TRAPPC13: variants seen among roughly 807,000 people sequenced by gnomAD.
TRAPPC13 encodes the protein trafficking protein particle complex subunit 13.
Under a neutral mutation model 54.0 loss-of-function variants are expected in TRAPPC13, and 39 were observed. That is an observed-to-expected ratio of 0.72 (90% CI 0.56 to 0.94). TRAPPC13 has a LOEUF of 0.94. TRAPPC13 is among the 40% of genes least tolerant of loss of function. The pLI, the probability that TRAPPC13 is intolerant of heterozygous loss-of-function variation, is 0.00. For missense variants in TRAPPC13, 386 were observed against 488.1 expected (o/e 0.79, Z 1.97); for synonymous variants, 148 against 167.7 (o/e 0.88, Z 0.91).
At chr5:65,645,753 G>A (rs1581221065) in intron 4 of TRAPPC13, among the ~76,000 whole-genome samples, 3 of 152,240 alleles carry the variant, frequency 2.0e-5, no homozygotes, top group Non-Finnish European at 1.5e-5. Context: ...GCAGTGAGCC[G>A]AGATGGTGCC....
chr5:65,634,355 T>A (rs1755669241), intron 1 of TRAPPC13, among the ~76,000 whole-genome samples: 2 of 152,216 alleles, frequency 1.3e-5, no homozygotes, highest in African/African-American at 4.8e-5. Context: ...GGTATGGTCT[T>A]ATATTAATAA....
intron 1 of TRAPPC13, chr5:65,629,620 A>G: frequency 2.6e-6 from 4 of 1,535,746 alleles, no homozygotes; most frequent in Non-Finnish European, 3.5e-6. Flanking sequence ...ATTATCGACC[A>G]TGTGAGAGTG....
intron 8 of TRAPPC13, among the ~76,000 whole-genome samples, chr5:65,656,861 G>A (rs868570018): frequency 6.6e-6 from 1 of 151,466 alleles, no homozygotes; most frequent in Non-Finnish European, 1.5e-5. Context: ...AGCTGAGATC[G>A]CACCACTGCA....
At chr5:65,634,097 T>G (rs543185299) in intron 1 of TRAPPC13, among the ~76,000 whole-genome samples, 37 of 147,114 alleles carry the variant, frequency 2.5e-4, no homozygotes, top group African/African-American at 7.7e-4. Flanking sequence ...GCCATTCTCC[T>G]GCCTCAGCCT....
intron 4 of TRAPPC13, among the ~76,000 whole-genome samples, chr5:65,642,887 T>C (rs1264470941): frequency 1.3e-5 from 2 of 151,990 alleles, no homozygotes; most frequent in Non-Finnish European, 2.9e-5. Flanking sequence ...TGAGACCAAA[T>C]TAAAAAATAA....
intron 8 of TRAPPC13, 42 bp from the exon 9 acceptor site, chr5:65,658,326 A>C: frequency 6.5e-7 from 1 of 1,537,002 alleles, no homozygotes. Flanking sequence ...AAATATTTTA[A>C]ATGCCACCAC....
chr5:65,634,057 C>T (rs1335511875), intron 1 of TRAPPC13, among the ~76,000 whole-genome samples: 1 of 141,216 alleles, frequency 7.1e-6, no homozygotes, highest in East Asian at 2.2e-4. Context: ...GCAATCTCGG[C>T]TCACTGCAAC....
intron 4 of TRAPPC13, among the ~76,000 whole-genome samples, chr5:65,640,903 C>T (rs965337599): frequency 3.3e-5 from 5 of 151,040 alleles, no homozygotes; most frequent in Non-Finnish European, 7.4e-5. Context: ...GACATTCAGA[C>T]TCATGATATA....
chr5:65,664,533 A>G lies in TRAPPC13; in HGVS notation c.1176A>G (p.Thr392=). 6.2e-7 allele frequency: 1 copy of G among 1,611,804 alleles called. No homozygotes were observed. Among genetic ancestry groups the G allele is most frequent in the Non-Finnish European group, 8.5e-7 (1 of 1,179,438 alleles). Residue 392 remains threonine (T), a synonymous_variant, in exon 13 of 13, where the codon ACA becomes ACG. Coordinates refer to ENST00000399438, the MANE Select transcript of TRAPPC13 (RefSeq NM_024941.4). ...QSISGLRLTD[T]FLKRTYEYDD... ...TCTCTGGCTTAAGACTAACAGACACATTCTTAAAGAGAACATATGAATATG... is the reference window on the plus strand; with the variant it reads ...TCTCTGGCTTAAGACTAACAGACACGTTCTTAAAGAGAACATATGAATATG...
intron 1 of TRAPPC13, among the ~76,000 whole-genome samples, chr5:65,633,889 T>A (rs1183290488): frequency 1.3e-5 from 2 of 151,252 alleles, no homozygotes; most frequent in East Asian, 3.8e-4. Flanking sequence ...TAATGAATAA[T>A]CCTTTTGCTA....
At chr5:65,658,282 T>C in intron 8 of TRAPPC13, 86 bp from the exon 9 acceptor site, 1 of 1,329,174 alleles carries the variant, frequency 7.5e-7, no homozygotes, top group Non-Finnish European at 1.0e-6. Flanking sequence ...GTTAATATTT[T>C]TTCTTCATAT....
At chr5:65,644,585 T>C (rs78169074) in intron 4 of TRAPPC13, among the ~76,000 whole-genome samples, 2,230 of 152,238 alleles carry the variant, frequency 0.015, 47 homozygotes, top group African/African-American at 0.051. Context: ...ATTTCAAAAA[T>C]GTTTAAGAAT....
intron 5 of TRAPPC13, 42 bp downstream of exon 5, chr5:65,647,224 A>G (rs754415460): frequency 4.6e-6 from 7 of 1,524,648 alleles, no homozygotes; most frequent in Non-Finnish European, 6.1e-6. Flanking sequence ...TTTTACTTAT[A>G]TATGCCTTTG....
intron 1 of TRAPPC13, chr5:65,630,347 C>T (rs35217736): frequency 0.025 from 37,605 of 1,476,990 alleles, 852 homozygotes; most frequent in Middle Eastern, 0.079. Flanking sequence ...GTAATGAATT[C>T]CACTGATTGT....
intron 1 of TRAPPC13, chr5:65,630,037 A>G (rs1280515184): frequency 6.5e-7 from 1 of 1,536,064 alleles, no homozygotes; most frequent in Admixed American, 2.0e-5. Flanking sequence ...CTTTGTCTAA[A>G]AAATTGCAAG....
rs779487410 is a variant in TRAPPC13 at position 65,634,674 on chromosome 5, C to T, written c.47-627C>T. On this transcript the variant is annotated intron_variant, in intron 1 of 12. Transcript: ENST00000399438. ...GGGAGGCCAAGGTAGGCAGATCACT[C>T]GAGGTCAGGAGTTAGGGACCAGCCT... Among the ~76,000 whole-genome samples, 201 of 151,526 alleles carry T rather than the reference C, an allele frequency of 1.3e-3. 1 individual carries two copies. Among genetic ancestry groups the T allele is most frequent in the Non-Finnish European group, 2.9e-4 (20 of 67,906 alleles).
chr5:65,629,081 A>G (rs1372363820), intron 1 of TRAPPC13, among the ~76,000 whole-genome samples: 1 of 152,174 alleles, frequency 6.6e-6, no homozygotes, highest in Non-Finnish European at 1.5e-5. Context: ...TCAAATTTTT[A>G]AATATTACAT....
chr5:65,646,016 G>A (rs760418689), intron 4 of TRAPPC13, among the ~76,000 whole-genome samples: 1 of 152,086 alleles, frequency 6.6e-6, no homozygotes, highest in Non-Finnish European at 1.5e-5. Context: ...CAGGCACCAT[G>A]CTATAGTGGT....
At chr5:65,650,204 C>A (rs1756376207) in intron 5 of TRAPPC13, among the ~76,000 whole-genome samples, 2 of 124,274 alleles carry the variant, frequency 1.6e-5, no homozygotes, top group African/African-American at 6.2e-5. Context: ...TCTTGTTGCT[C>A]AGGCTGGAGT....
Sources: gnomAD v4.1 joint callset for allele counts (sites outside exome capture counted in the v4.1 genomes callset) on GRCh38, gnomAD v4.1.1 for gene constraint, MANE v1.5 for transcripts, NCBI Gene and HGNC (gene_info 2026-07-23, HGNC 2026-07-21) for gene names.